ZNF618: variants seen among roughly 807,000 people sequenced by gnomAD.
ZNF618 encodes zinc finger protein 618.
In ZNF618, 34 loss-of-function variants were observed where a neutral mutation model predicts 103.0. The ratio of observed to expected loss-of-function variants is 0.33; its 90% CI spans 0.25 to 0.44. The LOEUF (loss-of-function observed/expected upper bound fraction) is 0.44. Ranked by LOEUF, ZNF618 falls within the 20% of genes least tolerant of loss-of-function variation. The pLI is 1.00. For missense variants in ZNF618, 1,059 were observed against 1,295.4 expected, an observed-to-expected ratio of 0.82 and a Z score of 2.80; for synonymous variants, 551 against 542.2, an observed-to-expected ratio of 1.02 and a Z score of -0.23.
At position 113,911,207 on chromosome 9, in the gene ZNF618, T is replaced by C. The variant is rs148759678; in HGVS notation, c.33+34794T>C. On this transcript the variant is annotated intron_variant, in intron 1 of 14. Coordinates refer to ENST00000374126, the MANE Select transcript of ZNF618 (RefSeq NM_001318042.2). ...GTTTGTTTTTCTTTGTTATAACAAA[T>C]AGCAAGTGCTCTTTATAGAAAAAGA... Among the ~76,000 whole-genome samples, 1,346 of 152,306 alleles carry C rather than the reference T, an allele frequency of 8.8e-3. 54 individuals carry two copies. Among genetic ancestry groups the C allele is most frequent in the Admixed American group, 0.065 (989 of 15,298 alleles).
intron 1 of ZNF618, among the ~76,000 whole-genome samples, chr9:113,889,347 T>TCTCTCTCTCTCTCTCTC (rs1477289947): frequency 1.4e-4 from 15 of 104,202 alleles, no homozygotes; most frequent in African/African-American, 3.9e-4. Flanking sequence ...CTCTCTCTCT[T>TCTCTCTCTCTCTCTCTC]TCTCTCCCTC....
At chr9:113,985,838 T>C (rs1839425713) in intron 2 of ZNF618, among the ~76,000 whole-genome samples, 1 of 152,254 alleles carries the variant, frequency 6.6e-6, no homozygotes, top group South Asian at 2.1e-4. Context: ...GTGGAGCTAA[T>C]ACCAAGATTT....
chr9:114,040,378 G>A (rs978965186), intron 13 of ZNF618, among the ~76,000 whole-genome samples: 39 of 149,982 alleles, frequency 2.6e-4, no homozygotes, highest in African/African-American at 9.6e-4. Flanking sequence ...TAGGGTACAC[G>A]TGCACAACAT....
intron 2 of ZNF618, among the ~76,000 whole-genome samples, chr9:113,971,753 G>A (rs970629359): frequency 6.6e-6 from 1 of 152,152 alleles, no homozygotes; most frequent in East Asian, 1.9e-4. Flanking sequence ...GCTGTAGTTG[G>A]TGGAAGAATG....
At chr9:113,914,847 A>G (rs891743633) in intron 1 of ZNF618, among the ~76,000 whole-genome samples, 1 of 152,150 alleles carries the variant, frequency 6.6e-6, no homozygotes, top group Admixed American at 6.5e-5. Context: ...GACAACTTGG[A>G]TGTAACAGTC....
rs1564207504 is a variant in ZNF618, at chr9:113,951,495, A to ACACACATATATG, written c.34-17622_34-17621insCACACATATATG. 8.3e-3 allele frequency among the ~76,000 whole-genome samples: 333 copies of ACACACATATATG among 40,264 alleles called. 18 individuals carry two copies. The highest frequency in any genetic ancestry group is 0.02 in the African/African-American group (307 of 15,396). The allele number at this position is 40,264 out of a possible 152,430, so 26.4% of individuals were successfully genotyped here. A position where few individuals can be genotyped will look rare whatever the true frequency, so the allele number is the denominator to read the frequency against. On this transcript the variant is annotated intron_variant, in intron 1 of 14. Transcript: ENST00000374126. Reference sequence around the variant, plus strand: ...TGTATGTGTACACATATATGTGTGTATGTGTACACATATATGTGTGTATAT... The same window carrying ACACACATATATG: ...TGTATGTGTACACATATATGTGTGTACACACATATATGTGTGTACACATATATGTGTGTATAT...
In ZNF618 at chr9:113,969,103, G is replaced by C. The variant is rs1403394002; in HGVS notation, c.34-14G>C. ...TGCCTTGGCTGATGTAGGTGTTTTG[G>C]GTTTCTTTTGCAGGCTGACGGAGCC... is the stretch of plus-strand genomic sequence containing the variant. On this transcript the variant is annotated splice_polypyrimidine_tract_variant and intron_variant, in intron 1 of 14. Coordinates refer to ENST00000374126, the MANE Select transcript of ZNF618 (RefSeq NM_001318042.2). 8 of 1,613,826 alleles carry C rather than the reference G, an allele frequency of 5.0e-6. No homozygotes were observed. Among genetic ancestry groups the C allele is most frequent in the Non-Finnish European group, 6.8e-6 (8 of 1,179,886 alleles).
At chr9:113,876,459 G>T in intron 1 of ZNF618, 46 bp downstream of exon 1, 2 of 1,181,980 alleles carry the variant, frequency 1.7e-6, no homozygotes, top group Non-Finnish European at 2.1e-6. Context: ...GGACCCCGGG[G>T]GGCCGGGGCC....
At chr9:113,897,560 C>T (rs1353832941) in intron 1 of ZNF618, among the ~76,000 whole-genome samples, 1 of 152,174 alleles carries the variant, frequency 6.6e-6, no homozygotes, top group African/African-American at 2.4e-5. Context: ...ATGTTTTGTT[C>T]CATATGTCCC....
At chr9:114,040,615 A>G (rs1845072699) in intron 13 of ZNF618, among the ~76,000 whole-genome samples, 1 of 152,158 alleles carries the variant, frequency 6.6e-6, no homozygotes, top group African/African-American at 2.4e-5. Flanking sequence ...TTTGCTGAGA[A>G]TGATGGTTTC....
chr9:114,017,145 C>T (rs953987766), intron 10 of ZNF618, among the ~76,000 whole-genome samples: 5 of 152,172 alleles, frequency 3.3e-5, no homozygotes, highest in Non-Finnish European at 7.4e-5. Context: ...AAGCCAGTTC[C>T]GCATGATGCA....
chr9:114,008,500 G>A lies in ZNF618; in HGVS notation c.700G>A (p.Ala234Thr). ...AGACCCCTTCGACCAAGGTGTCGTG[G>A]CCACGGACGAGGTGAAGGAGGAGCC... is the stretch of plus-strand genomic sequence containing the variant. ...RADPFDQGVVATDEVKEEPPE... is the reference protein window; with the variant it reads ...RADPFDQGVVTTDEVKEEPPE... The change falls in exon 9 of 15, where the codon GCC becomes ACC. Residue 234 changes from alanine (A) to threonine (T), a missense_variant. Physicochemically the swap from Ala to Thr is moderately conservative, Grantham distance 58. Around this residue, in one of 6 missense-constraint regions of ZNF618, gnomAD observed 434 missense variants for 476.0 expected, o/e 0.91. Coordinates refer to ENST00000374126, the MANE Select transcript of ZNF618 (RefSeq NM_001318042.2). The A allele has an allele frequency of 1.2e-6, 2 of 1,613,968 alleles. No individual in the cohort carries two copies. The highest frequency in any genetic ancestry group is 1.7e-6 in the Non-Finnish European group (2 of 1,179,874).
intron 1 of ZNF618, among the ~76,000 whole-genome samples, chr9:113,890,938 T>C (rs938332596): frequency 2.0e-5 from 3 of 152,222 alleles, no homozygotes; most frequent in Non-Finnish European, 4.4e-5. Flanking sequence ...TTTTTGCCCA[T>C]TTTTCTCTTG....
chr9:113,995,375 A>T (rs952266347), intron 3 of ZNF618, among the ~76,000 whole-genome samples: 1 of 152,224 alleles, frequency 6.6e-6, no homozygotes, highest in East Asian at 1.9e-4. Flanking sequence ...AAAAGTAAAA[A>T]ATTATTGAAA....
At chr9:113,887,425 T>C (rs1455529946) in intron 1 of ZNF618, among the ~76,000 whole-genome samples, 1 of 152,216 alleles carries the variant, frequency 6.6e-6, no homozygotes, top group Non-Finnish European at 1.5e-5. Context: ...TCCCTGACAA[T>C]TTCTCTGCCT....
intron 3 of ZNF618, among the ~76,000 whole-genome samples, chr9:113,993,619 G>A (rs1302377119): frequency 2.0e-5 from 3 of 152,146 alleles, no homozygotes; most frequent in Admixed American, 6.5e-5. Flanking sequence ...TACTAATGAG[G>A]GAGTCCAGGG....
chr9:114,004,154 G>T (rs1419057716), intron 6 of ZNF618, among the ~76,000 whole-genome samples: 7 of 152,178 alleles, frequency 4.6e-5, no homozygotes, highest in Admixed American at 2.0e-4. Flanking sequence ...AACTGGCCTG[G>T]GTCCCAGTAG....
chr9:114,009,310 C>A (rs1267518338), intron 9 of ZNF618, among the ~76,000 whole-genome samples: 2 of 152,184 alleles, frequency 1.3e-5, no homozygotes, highest in Non-Finnish European at 2.9e-5. Flanking sequence ...GCATCCCATG[C>A]CAAGGCTGGA....
At chr9:114,005,162 G>A (rs1200519183) in intron 6 of ZNF618, among the ~76,000 whole-genome samples, 1 of 152,206 alleles carries the variant, frequency 6.6e-6, no homozygotes, top group Non-Finnish European at 1.5e-5. Context: ...CATGTCTGAG[G>A]TCTGCCGCAC....
Sources: allele counts gnomAD v4.1 joint callset (sites outside exome capture counted in the v4.1 genomes callset), GRCh38; gene constraint gnomAD v4.1.1; regional missense constraint gnomAD v4.1.1; transcripts MANE v1.5; gene names NCBI Gene and HGNC (gene_info 2026-07-23, HGNC 2026-07-21).